Variants in GALNT13 observed in about 807,000 individuals in gnomAD.
GALNT13 encodes the protein UDP-GalNAc:polypeptide N-acetylgalactosaminyltransferase 13.
GALNT13 carries 28 observed loss-of-function variants against 64.2 expected under a neutral mutation model. The ratio of observed to expected loss-of-function variants is 0.44; its 90% CI spans 0.32 to 0.60. The LOEUF (loss-of-function observed/expected upper bound fraction) is 0.60. Among genes scored for constraint, GALNT13 ranks in the 20% least tolerant of loss-of-function variants. The pLI, the probability that GALNT13 is intolerant of heterozygous loss-of-function variation, is 0.05. For missense variants in GALNT13, 577 were observed against 669.8 expected, an observed-to-expected ratio of 0.86 and a Z score of 1.53; for synonymous variants, 214 against 224.6, an observed-to-expected ratio of 0.95 and a Z score of 0.42.
At chr2:154,164,893 A>G (rs1684940604) in intron 4 of GALNT13, among the ~76,000 whole-genome samples, 1 of 152,130 alleles carries the variant, frequency 6.6e-6, no homozygotes, top group Admixed American at 6.6e-5. Context: ...TAAGGAGGAC[A>G]GCAGTTGGGT....
At chr2:154,444,824 G>T (rs1451064554) in intron 12 of GALNT13, among the ~76,000 whole-genome samples, 1 of 151,832 alleles carries the variant, frequency 6.6e-6, no homozygotes, top group Admixed American at 6.6e-5. Flanking sequence ...GATATTCCCT[G>T]CAAATAAAAA....
At chr2:153,780,128 G>C in the GALNT13 span, among the ~76,000 whole-genome samples, 1 of 150,452 alleles carries the variant, frequency 6.6e-6, no homozygotes, top group Non-Finnish European at 1.5e-5. Context: ...TCATGACAAT[G>C]ATCAATTATA....
chr2:154,380,538 A>C (rs1698217963), intron 9 of GALNT13, among the ~76,000 whole-genome samples: 1 of 151,958 alleles, frequency 6.6e-6, no homozygotes, highest in South Asian at 2.1e-4. Flanking sequence ...TCCTTCCAGA[A>C]TTTTTTTCTT....
chr2:153,089,358 G>A, the GALNT13 span, among the ~76,000 whole-genome samples: 3 of 152,118 alleles, frequency 2.0e-5, no homozygotes, highest in Non-Finnish European at 2.9e-5. Flanking sequence ...AATCTGATAT[G>A]TTTTCCTTTC....
At chr2:154,114,295 C>T (rs1015875690) in intron 3 of GALNT13, among the ~76,000 whole-genome samples, 1 of 152,122 alleles carries the variant, frequency 6.6e-6, no homozygotes, top group East Asian at 1.9e-4. Context: ...ATGTCCATGC[C>T]AATTATGCAT....
chr2:153,465,772 C>T, the GALNT13 span, among the ~76,000 whole-genome samples: 4 of 151,866 alleles, frequency 2.6e-5, no homozygotes, highest in African/African-American at 9.7e-5. Flanking sequence ...TAGGAATGGC[C>T]TGTTTCAAAG....
At chr2:154,003,222 C>T (rs1314112758) in intron 3 of GALNT13, among the ~76,000 whole-genome samples, 2 of 152,144 alleles carry the variant, frequency 1.3e-5, no homozygotes, top group Non-Finnish European at 2.9e-5. Flanking sequence ...CATCATTGAG[C>T]CCTGTTGGCC....
At position 154,400,913 on chromosome 2, in the gene GALNT13, G is replaced by T. The variant is rs1217562078; in HGVS notation, c.1296+4783G>T. 6.1e-5 allele frequency among the ~76,000 whole-genome samples: 9 copies of T among 148,422 alleles called. No homozygotes were observed. In the East Asian group the frequency reaches 1.8e-3, roughly 29 times the overall value. ...TAGAATGTCTCAGCCCAAATTTTTG[G>T]GTTATGACAGGCTTTCTGAAAAAAA... On this transcript the variant is annotated intron_variant, in intron 10 of 12. Transcript: ENST00000392825.
At chr2:153,362,474 G>A in the GALNT13 span, among the ~76,000 whole-genome samples, 70 of 146,720 alleles carry the variant, frequency 4.8e-4, 1 homozygote, top group Admixed American at 2.1e-4. Flanking sequence ...TACTATTTTC[G>A]GGAGACACAT....
the GALNT13 span, among the ~76,000 whole-genome samples, chr2:153,146,663 G>A: frequency 2.6e-5 from 4 of 151,814 alleles, no homozygotes; most frequent in Non-Finnish European, 4.4e-5. Flanking sequence ...AATCAGAGAG[G>A]CTTGTATCAG....
At chr2:153,804,881 CAAG>C in the GALNT13 span, among the ~76,000 whole-genome samples, 1 of 151,664 alleles carries the variant, frequency 6.6e-6, no homozygotes, top group Admixed American at 6.6e-5. Context: ...AGTGAGAAGA[CAAG>C]AAGGTTGTAA....
chr2:153,287,647 T>C, the GALNT13 span, among the ~76,000 whole-genome samples: 431 of 152,226 alleles, frequency 2.8e-3, 3 homozygotes, highest in African/African-American at 9.8e-3. Context: ...CTGCTGTCGA[T>C]GACCTGCATT....
chr2:153,911,447 G>A (rs149666599), intron 2 of GALNT13, among the ~76,000 whole-genome samples: 109 of 152,114 alleles, frequency 7.2e-4, no homozygotes, highest in African/African-American at 2.2e-3. Context: ...TGACCCTGTC[G>A]CAGTGTTTTT....
At chr2:154,166,562 A>G (rs1297941613) in intron 4 of GALNT13, among the ~76,000 whole-genome samples, 1 of 152,242 alleles carries the variant, frequency 6.6e-6, no homozygotes. Flanking sequence ...TGTGGAAGAC[A>G]GTGTGGCAAT....
At chr2:153,089,687 C>T in the GALNT13 span, among the ~76,000 whole-genome samples, 1 of 151,686 alleles carries the variant, frequency 6.6e-6, no homozygotes, top group African/African-American at 2.4e-5. Context: ...TTGTCTCTGT[C>T]TTATTGGTTA....
intron 3 of GALNT13, among the ~76,000 whole-genome samples, chr2:154,101,618 A>T (rs1381992975): frequency 1.3e-5 from 2 of 151,992 alleles, no homozygotes; most frequent in Non-Finnish European, 2.9e-5. Context: ...AATTTCATTA[A>T]TCTTAGTATC....
the GALNT13 span, among the ~76,000 whole-genome samples, chr2:153,350,667 G>A: frequency 6.6e-6 from 1 of 152,078 alleles, no homozygotes; most frequent in African/African-American, 2.4e-5. Context: ...ACAGATGTGA[G>A]CCACCACACC....
chr2:153,568,749 C>T, the GALNT13 span, among the ~76,000 whole-genome samples: 5 of 152,222 alleles, frequency 3.3e-5, no homozygotes, highest in African/African-American at 1.2e-4. Context: ...AAGGGAAGTG[C>T]TAAATAATAC....
intron 4 of GALNT13, among the ~76,000 whole-genome samples, chr2:154,167,428 T>A (rs2105688154): frequency 6.6e-6 from 1 of 152,318 alleles, no homozygotes; most frequent in Non-Finnish European, 1.5e-5. Flanking sequence ...CTTTGTTGAT[T>A]AAGCAACTTT....
Sources: gnomAD v4.1 joint callset for allele counts (sites outside exome capture counted in the v4.1 genomes callset) on GRCh38, gnomAD v4.1.1 for gene constraint, MANE v1.5 for transcripts, NCBI Gene and HGNC (gene_info 2026-07-23, HGNC 2026-07-21) for gene names.